C11orf65: variants seen among roughly 807,000 people sequenced by gnomAD.
The protein encoded by C11orf65 is protein MFI.
C11orf65 carries 38 observed loss-of-function variants against 35.3 expected under a neutral mutation model. That is an observed-to-expected ratio of 1.08 (90% CI 0.83 to 1.41). The LOEUF (loss-of-function observed/expected upper bound fraction) is 1.41. Among genes scored for constraint, C11orf65 ranks in the 40% most tolerant of loss-of-function variants. The pLI is 0.00. For missense variants in C11orf65, 370 were observed against 367.1 expected (o/e 1.01, Z -0.06); for synonymous variants, 105 against 114.4 (o/e 0.92, Z 0.53).
intron 3 of C11orf65, among the ~76,000 whole-genome samples, chr11:108,429,244 G>C (rs1375624134): frequency 6.6e-6 from 1 of 152,166 alleles, no homozygotes; most frequent in Non-Finnish European, 1.5e-5. Flanking sequence ...TAAGAACTTT[G>C]TTCATCAAAA....
intron 2 of C11orf65, among the ~76,000 whole-genome samples, chr11:108,456,223 A>G (rs2093409851): frequency 6.6e-6 from 1 of 152,186 alleles, no homozygotes; most frequent in Non-Finnish European, 1.5e-5. Context: ...CACTTTACAT[A>G]TATGATTACA....
chr11:108,354,977 T>C, intron 2 of C11orf65: 4 of 979,558 alleles, frequency 4.1e-6, no homozygotes, highest in African/African-American at 1.6e-5. Context: ...CATTTTAACA[T>C]AGGGGGATGT....
chr11:108,313,932 A>G (rs1565496028), intron 6 of C11orf65, among the ~76,000 whole-genome samples: 1 of 152,174 alleles, frequency 6.6e-6, no homozygotes, highest in Non-Finnish European at 1.5e-5. Context: ...TAAACAGAAT[A>G]TATCTTTTCT....
intron 2 of C11orf65, among the ~76,000 whole-genome samples, chr11:108,441,326 C>G (rs2093150289): frequency 6.6e-6 from 1 of 152,236 alleles, no homozygotes; most frequent in African/African-American, 2.4e-5. Context: ...AGCCGGGAAG[C>G]TCGAATTGGG....
intron 2 of C11orf65, among the ~76,000 whole-genome samples, chr11:108,338,911 T>C (rs1263936596): frequency 1.3e-5 from 2 of 152,180 alleles, no homozygotes; most frequent in African/African-American, 2.4e-5. Context: ...CCCAGTCCAG[T>C]CATCTGTAGA....
intron 1 of C11orf65, among the ~76,000 whole-genome samples, chr11:108,466,778 G>C (rs569004744): frequency 5.9e-5 from 9 of 152,256 alleles, no homozygotes; most frequent in Admixed American, 5.9e-4. Flanking sequence ...GTGGAAAAAA[G>C]CCCACAAGAC....
At chr11:108,355,042 A>C in intron 2 of C11orf65, 1 of 631,542 alleles carries the variant, frequency 1.6e-6, no homozygotes, top group South Asian at 1.9e-5. Context: ...CACATCCAAA[A>C]ATACTGGTTT....
intron 3 of C11orf65, among the ~76,000 whole-genome samples, chr11:108,333,462 C>T (rs2086498620): frequency 6.6e-6 from 1 of 152,128 alleles, no homozygotes; most frequent in South Asian, 2.1e-4. Flanking sequence ...ATCATATCTT[C>T]AAGTTTAAAT....
intron 6 of C11orf65, among the ~76,000 whole-genome samples, chr11:108,405,046 CT>C (rs1286865485): frequency 6.6e-6 from 1 of 152,210 alleles, no homozygotes; most frequent in Non-Finnish European, 1.5e-5. Flanking sequence ...ACCTAGTTAG[CT>C]TGTTTACTCA....
At chr11:108,335,324 C>A (rs1170660147) in intron 2 of C11orf65, 1 of 1,432,366 alleles carries the variant, frequency 7.0e-7, no homozygotes, top group Non-Finnish European at 9.3e-7. Context: ...ATGGTTGATT[C>A]AAGTAAAAGA....
chr11:108,451,897 C>A (rs1195557278), intron 2 of C11orf65, among the ~76,000 whole-genome samples: 5 of 152,102 alleles, frequency 3.3e-5, no homozygotes, highest in Admixed American at 2.6e-4. Flanking sequence ...GAAAAACAAG[C>A]AATGGGGAAA....
At chr11:108,332,699 A>G (rs1008773097) in intron 3 of C11orf65, 1 of 1,543,130 alleles carries the variant, frequency 6.5e-7, no homozygotes, top group Admixed American at 1.8e-5. Flanking sequence ...TTGTTTTTCT[A>G]ACTCTGAGAA....
chr11:108,437,738 A>C (rs12801843), intron 2 of C11orf65, among the ~76,000 whole-genome samples: 5 of 138,330 alleles, frequency 3.6e-5, no homozygotes, highest in African/African-American at 1.3e-4. Flanking sequence ...AAAAAAAAAA[A>C]GGATAAGGAA....
chr11:108,448,592 T>C (rs558067044), intron 2 of C11orf65, among the ~76,000 whole-genome samples: 39 of 152,316 alleles, frequency 2.6e-4, no homozygotes, highest in African/African-American at 9.4e-4. Context: ...CAACCCTTCA[T>C]GCTAAAAACT....
intron 2 of C11orf65, among the ~76,000 whole-genome samples, chr11:108,432,418 A>G (rs1313737738): frequency 2.0e-5 from 3 of 152,224 alleles, no homozygotes; most frequent in Non-Finnish European, 2.9e-5. Context: ...TTATTCCTAT[A>G]GTAATCCCAC....
chr11:108,350,254 T>A (rs1349136406), intron 2 of C11orf65, among the ~76,000 whole-genome samples: 1 of 152,044 alleles, frequency 6.6e-6, no homozygotes, highest in East Asian at 1.9e-4. Flanking sequence ...AAATGGGAGA[T>A]GTGGTGGAGG....
chr11:108,404,817 T>C (rs1041234809), intron 6 of C11orf65, among the ~76,000 whole-genome samples: 1 of 152,170 alleles, frequency 6.6e-6, no homozygotes, highest in African/African-American at 2.4e-5. Context: ...ATGATTACAG[T>C]AGCTTTATAA....
intron 6 of C11orf65, chr11:108,315,701 T>C (rs1242506205): frequency 1.3e-6 from 1 of 745,208 alleles, no homozygotes; most frequent in Admixed American, 2.2e-5. Flanking sequence ...TTACATTTTA[T>C]TTCTATAACA....
chr11:108,398,265 G>A (rs1163178840), intron 6 of C11orf65, among the ~76,000 whole-genome samples: 2 of 152,164 alleles, frequency 1.3e-5, no homozygotes, highest in East Asian at 3.9e-4. Flanking sequence ...GAGAATGAAA[G>A]AAAAGATCAG....
Sources: gnomAD v4.1 joint callset for allele counts (sites outside exome capture counted in the v4.1 genomes callset) on GRCh38, gnomAD v4.1.1 for gene constraint, MANE v1.5 for transcripts, NCBI Gene and HGNC (gene_info 2026-07-23, HGNC 2026-07-21) for gene names.